TMTC4: variants seen among roughly 807,000 people sequenced by gnomAD.
TMTC4 encodes transmembrane O-mannosyltransferase targeting cadherins 4, also known as protein O-mannosyl-transferase TMTC4.
A neutral mutation model predicts 86.0 loss-of-function variants in TMTC4; 65 were observed. The ratio of observed to expected loss-of-function variants is 0.76; its 90% CI spans 0.62 to 0.93. The LOEUF (loss-of-function observed/expected upper bound fraction) is 0.93. Among genes scored for constraint, TMTC4 ranks in the 40% least tolerant of loss-of-function variants. The pLI is 0.00. For missense variants in TMTC4, 866 were observed against 948.1 expected, an observed-to-expected ratio of 0.91 and a Z score of 1.14; for synonymous variants, 379 against 382.5, an observed-to-expected ratio of 0.99 and a Z score of 0.11.
intron 12 of TMTC4, among the ~76,000 whole-genome samples, chr13:100,629,958 G>A (rs1361923837): frequency 1.3e-5 from 2 of 151,962 alleles, no homozygotes; most frequent in Non-Finnish European, 2.9e-5. Context: ...CTGACACCCT[G>A]ATGTGACAAT....
rs953112154 is a variant in TMTC4 at position 100,604,680 on chromosome 13, A to T, written c.*314T>A. The T allele has an allele frequency of 1.3e-4, 29 of 216,618 alleles. No homozygotes were observed. Among genetic ancestry groups the T allele is most frequent in the African/African-American group, 6.3e-4 (27 of 42,876 alleles). 13.4% of individuals were successfully genotyped at this position (216,618 alleles called of 1,614,324 possible). ...ATACACGACAAGGCTCAGATCCCAA[A>T]TGTAAGCTCAATTCTACTAAAAGTT... On this transcript the variant is annotated 3_prime_UTR_variant, in exon 19 of 19. Transcript: ENST00000342624.
chr13:100,670,679 T>C (rs760846607), intron 1 of TMTC4, 110 bp from the exon 2 acceptor site: 13 of 311,698 alleles, frequency 4.2e-5, no homozygotes, highest in South Asian at 8.7e-5. Context: ...CTGGTTGCAA[T>C]GGCTCACGCC....
Position 100,625,665 on chromosome 13 carries a change from G to T in TMTC4, c.1706C>A (p.Ala569Asp), listed in dbSNP as rs1188260232. ...TATGCCTAGATTCATCCACGCAGCG[G>T]CAAAGTCTGGCCTAGAGGAGCAGTT... ...SLAVQIQPDF[A>D]AAWMNLGIVQ... Residue 569 changes from alanine to aspartate, a missense_variant, in exon 15 of 19, where the codon GCC (alanine) becomes GAC (aspartate). Coordinates refer to ENST00000342624, the MANE Select transcript of TMTC4 (RefSeq NM_032813.5). The T allele has an allele frequency of 6.2e-7, 1 of 1,614,006 alleles. No individual in the cohort carries two copies. The highest frequency in any genetic ancestry group is 1.1e-5 in the South Asian group (1 of 91,054).
Position 100,605,118 on chromosome 13 carries a change from T to C in TMTC4, c.2159A>G (p.His720Arg), listed in dbSNP as rs372037130. 11 of 1,612,622 alleles carry C rather than the reference T, an allele frequency of 6.8e-6. No individual in the cohort carries two copies. The highest frequency in any genetic ancestry group is 9.3e-6 in the Non-Finnish European group (11 of 1,179,594). Residue 720 changes from histidine (H) to arginine (R), a missense_variant, in exon 19 of 19, where the codon CAT becomes CGT. Physicochemically the swap from His to Arg is conservative, Grantham distance 29. Transcript: ENST00000342624. This position sits in a 1 kb window ranked among gnomAD's most constrained non-coding sequence, Gnocchi z 4.3. ...NLAVLYHRWG[H>R]LDLAKKHYEI... ...ATAGTGTTTCTTGGCCAAGTCTAGA[T>C]GTCCCCAACGATGATAAAGCACAGC...
At chr13:100,612,116 TTC>T (rs1877684534) in intron 17 of TMTC4, among the ~76,000 whole-genome samples, 1 of 152,194 alleles carries the variant, frequency 6.6e-6, no homozygotes, top group South Asian at 2.1e-4. Context: ...AGGCCAAACA[TTC>T]CACAACTCCC....
At chr13:100,631,526 A>C (rs990372850) in intron 12 of TMTC4, among the ~76,000 whole-genome samples, 4 of 152,224 alleles carry the variant, frequency 2.6e-5, no homozygotes, top group South Asian at 2.1e-4. Flanking sequence ...CAGTAGTCTC[A>C]GTGAATTCAA....
At chr13:100,674,859 C>G (rs1042870989), upstream of TMTC4, 24 of 975,054 alleles carry the variant, frequency 2.5e-5, no homozygotes, top group African/African-American at 7.0e-5. Flanking sequence ...CACCCGACCC[C>G]CCCCGCGCCG....
chr13:100,629,970 C>T (rs1198503368), intron 12 of TMTC4, among the ~76,000 whole-genome samples: 1 of 151,628 alleles, frequency 6.6e-6, no homozygotes, highest in East Asian at 1.9e-4. Flanking sequence ...TGTGACAATT[C>T]CAGCATTTAC....
In TMTC4 at chr13:100,670,586, G is replaced by A. The variant is rs745548918; in HGVS notation, c.-207-17C>T. ...AAATTACAACTGCAAACACAACACAGGTTAGCACACAGACCCCAACCTCTA... is the reference window on the plus strand; with the variant it reads ...AAATTACAACTGCAAACACAACACAAGTTAGCACACAGACCCCAACCTCTA... On this transcript the variant is annotated splice_polypyrimidine_tract_variant and intron_variant, in intron 1 of 18. Transcript: ENST00000342624. The A allele has an allele frequency of 3.4e-5, 17 of 504,528 alleles. No individual in the cohort carries two copies. The highest frequency in any genetic ancestry group is 5.9e-5 in the Non-Finnish European group (17 of 288,978). 31.3% of individuals were successfully genotyped at this position (504,528 alleles called of 1,614,324 possible).
At position 100,604,875 on chromosome 13, in the gene TMTC4, GA is replaced by G. The variant is rs1269919900; in HGVS notation, c.*118del. Reference sequence around the variant, plus strand: ...CTTTTTGCATGTCTTTGTTTTCATAGAAAAAAATCAGTAAAATAACATGTCT... The same window carrying G: ...CTTTTTGCATGTCTTTGTTTTCATAGAAAAAATCAGTAAAATAACATGTCT... On this transcript the variant is annotated 3_prime_UTR_variant, in exon 19 of 19. Transcript: ENST00000342624. 3.3e-6 allele frequency: 4 copies of G among 1,205,862 alleles called. No homozygotes were observed. Among genetic ancestry groups the G allele is most frequent in the Admixed American group, 2.9e-5 (1 of 34,154 alleles). The allele number at this position is 1,205,862 out of a possible 1,614,324, so 74.7% of individuals were successfully genotyped here. A position where few individuals can be genotyped will look rare whatever the true frequency, so the allele number is the denominator to read the frequency against.
chr13:100,612,356 C>G (rs1479528868), intron 17 of TMTC4, 42 bp downstream of exon 17: 2 of 1,429,730 alleles, frequency 1.4e-6, no homozygotes, highest in Admixed American at 2.0e-5. Context: ...CTGTCAGATG[C>G]TGGCACTAAC....
chr13:100,660,339 AAAAAAAAAAG>A (rs1885619746), intron 5 of TMTC4, among the ~76,000 whole-genome samples: 2 of 151,502 alleles, frequency 1.3e-5, no homozygotes, highest in Admixed American at 6.6e-5. Context: ...TCAAAAAAAA[AAAAAAAAAAG>A]AAAAGAAAAA....
chr13:100,611,457 C>T (rs9518105), intron 17 of TMTC4, among the ~76,000 whole-genome samples: 43,828 of 151,998 alleles, frequency 0.29, 7,570 homozygotes, highest in East Asian at 0.4. Context: ...TGGTGGCGGG[C>T]GCCTATAGTC....
At chr13:100,674,085 C>T (rs1312973416) in intron 1 of TMTC4, 1 of 984,896 alleles carries the variant, frequency 1.0e-6, no homozygotes, top group Non-Finnish European at 1.2e-6. Context: ...CCGCAGAGTT[C>T]GCAGGAGGTG....
chr13:100,621,953 C>T (rs754863019), intron 15 of TMTC4, among the ~76,000 whole-genome samples: 1 of 152,132 alleles, frequency 6.6e-6, no homozygotes, highest in Non-Finnish European at 1.5e-5. Flanking sequence ...ATTTTGAAGT[C>T]ACCACTCGTA....
At chr13:100,659,938 A>G (rs1228488430) in intron 5 of TMTC4, among the ~76,000 whole-genome samples, 1 of 148,466 alleles carries the variant, frequency 6.7e-6, no homozygotes, top group African/African-American at 2.5e-5. Flanking sequence ...AGACTGGAAA[A>G]TTCAGGTGCT....
At chr13:100,626,640 A>C (rs896070291) in intron 12 of TMTC4, among the ~76,000 whole-genome samples, 1 of 151,980 alleles carries the variant, frequency 6.6e-6, no homozygotes, top group Non-Finnish European at 1.5e-5. Flanking sequence ...TTTATCATCA[A>C]AACCTCAAAT....
intron 13 of TMTC4, 57 bp downstream of exon 13, chr13:100,626,014 T>A (rs1034363966): frequency 1.9e-6 from 3 of 1,607,568 alleles, no homozygotes; most frequent in Non-Finnish European, 2.6e-6. Flanking sequence ...GTGTTTCATA[T>A]TAGAAAGTGA....
chr13:100,660,078 C>A (rs1439405485), intron 5 of TMTC4, among the ~76,000 whole-genome samples: 1 of 151,674 alleles, frequency 6.6e-6, no homozygotes, highest in Admixed American at 6.6e-5. Flanking sequence ...CACCTGTAAT[C>A]CCAGCACTTT....
Sources: gnomAD v4.1 joint callset for allele counts (sites outside exome capture counted in the v4.1 genomes callset) on GRCh38, gnomAD v4.1.1 for gene constraint, Gnocchi (gnomAD v3.1) non-coding constraint, MANE v1.5 for transcripts, NCBI Gene and HGNC (gene_info 2026-07-23, HGNC 2026-07-21) for gene names.